Variants in PHIP observed in about 807,000 individuals in gnomAD.
PHIP encodes the protein PH-interacting protein.
PHIP carries 54 observed loss-of-function variants against 236.8 expected under a neutral mutation model. The observed-to-expected ratio is 0.23, with a 90% confidence interval of 0.18 to 0.29. PHIP has a LOEUF of 0.29. Among genes scored for constraint, PHIP ranks in the 10% least tolerant of loss-of-function variants. The pLI is 1.00. For synonymous variants in PHIP, 756 were observed against 718.9 expected (o/e 1.05, Z -0.83); for missense variants, 1,370 against 2,190.8 (o/e 0.63, Z 7.48).
intron 15 of PHIP, among the ~76,000 whole-genome samples, chr6:79,009,229 G>T (rs1029451975): frequency 6.6e-6 from 1 of 151,970 alleles, no homozygotes; most frequent in Non-Finnish European, 1.5e-5. Flanking sequence ...ATCTCAATTT[G>T]TTTTTCGTCA....
chr6:78,975,259 C>G lies in PHIP; in HGVS notation c.2889+3333G>C, dbSNP rs1288650483. On this transcript the variant is annotated intron_variant, in intron 24 of 39. Transcript: ENST00000275034. ...AATGTAATCCAGCATATAAACAGAG[C>G]CAAAGACAAAAACCACATGATTATC... is the stretch of plus-strand genomic sequence containing the variant. Among the ~76,000 whole-genome samples, 63 of 151,968 alleles carry G rather than the reference C, an allele frequency of 4.1e-4. 1 individual carries two copies. The South Asian group carries it at 0.013, about 31-fold the overall frequency.
Position 78,966,006 on chromosome 6 carries a change from C to T in PHIP, c.3256G>A (p.Glu1086Lys). ...IDDAWWFGTI[E>K]SQEPLQLEYP... ...TCAAGTTGAAGAGGTTCCTGGCTTT[C>T]GATTGTTCCAAACCACCAGGCATCA... The change falls in exon 28 of 40, where the codon GAA becomes AAA. Residue 1086 changes from glutamate (E) to lysine (K), a missense_variant. This residue lies in a region of PHIP where 238 missense variants were observed against 398.5 expected (regional missense o/e 0.60). Coordinates refer to ENST00000275034, the MANE Select transcript of PHIP (RefSeq NM_017934.7). The T allele has an allele frequency of 1.9e-6, 3 of 1,613,796 alleles. No individual in the cohort carries two copies. The highest frequency in any genetic ancestry group is 2.5e-6 in the Non-Finnish European group (3 of 1,179,744).
intron 23 of PHIP, 140 bp from the exon 24 acceptor site, chr6:78,978,851 G>A (rs1582156984): frequency 7.3e-6 from 4 of 549,556 alleles, no homozygotes; most frequent in East Asian, 6.7e-5. Flanking sequence ...AGTTGGCCCT[G>A]TGTATCCATG....
At chr6:79,012,055 C>G (rs1770605178) in intron 15 of PHIP, among the ~76,000 whole-genome samples, 1 of 151,486 alleles carries the variant, frequency 6.6e-6, no homozygotes, top group Non-Finnish European at 1.5e-5. Context: ...TTTAACATAA[C>G]AGGATTTTTG....
intron 23 of PHIP, 70 bp from the exon 24 acceptor site, chr6:78,978,781 A>T: frequency 4.2e-6 from 5 of 1,199,086 alleles, no homozygotes; most frequent in Non-Finnish European, 6.0e-6. Context: ...CTACTCTTTA[A>T]AATAACTATA....
At chr6:79,012,451 T>C (rs1043969589) in intron 15 of PHIP, among the ~76,000 whole-genome samples, 1 of 151,696 alleles carries the variant, frequency 6.6e-6, no homozygotes, top group Non-Finnish European at 1.5e-5. Context: ...TCACCATTTC[T>C]AGTCAAAAAA....
chr6:79,059,207 T>G (rs545232219), intron 6 of PHIP, among the ~76,000 whole-genome samples: 1 of 151,988 alleles, frequency 6.6e-6, no homozygotes, highest in Admixed American at 6.6e-5. Context: ...ACGAAGCAGA[T>G]AAAGTGTTTA....
chr6:78,985,797 G>A (rs1291321816), intron 21 of PHIP, among the ~76,000 whole-genome samples: 5 of 151,906 alleles, frequency 3.3e-5, no homozygotes, highest in Non-Finnish European at 4.4e-5. Flanking sequence ...AGCTGAGATC[G>A]CACCACTACA....
chr6:78,999,706 G>T (rs965708024), intron 17 of PHIP, among the ~76,000 whole-genome samples: 1 of 151,946 alleles, frequency 6.6e-6, no homozygotes, highest in South Asian at 2.1e-4. Context: ...GGCTTAAATG[G>T]TAAGAAAAGA....
intron 6 of PHIP, among the ~76,000 whole-genome samples, 160 bp from the exon 7 acceptor site, chr6:79,043,163 A>C (rs1489042050): frequency 1.3e-5 from 2 of 152,156 alleles, no homozygotes; most frequent in Admixed American, 1.3e-4. Flanking sequence ...AAAGTAATGA[A>C]TAAAAACATT....
rs1773318018 is a variant in PHIP, at chr6:78,937,460, A to G, written c.*3233T>C. 1 of 151,768 alleles carries G rather than the reference A, an allele frequency of 6.6e-6. No individual in the cohort carries two copies. Among genetic ancestry groups the G allele is most frequent in the Non-Finnish European group, 1.5e-5 (1 of 67,672 alleles). 9.4% of individuals were successfully genotyped at this position (151,768 alleles called of 1,614,324 possible). A position where few individuals can be genotyped will look rare whatever the true frequency, so the allele number is the denominator to read the frequency against. On this transcript the variant is annotated 3_prime_UTR_variant, in exon 40 of 40. Transcript: ENST00000275034. ...GGGACAGTTCTAGATGTTAACATAC[A>G]TGCTGCATAAAGATATTTTCTCTGA...
In PHIP at chr6:78,939,707, AGATCAAC is replaced by A. The variant is rs1770652955; in HGVS notation, c.*979_*985del. 6.6e-6 allele frequency: 1 copy of A among 152,014 alleles called. No homozygotes were observed. The highest frequency in any genetic ancestry group is 2.4e-5 in the African/African-American group (1 of 41,442). 9.4% of individuals were successfully genotyped at this position (152,014 alleles called of 1,614,324 possible). On this transcript the variant is annotated 3_prime_UTR_variant, in exon 40 of 40. Coordinates refer to ENST00000275034, the MANE Select transcript of PHIP (RefSeq NM_017934.7). ...TAAAGTTTAGAAATGACATTAATCCAGATCAACAAGTAAACATCAAATCCCATACCTT... is the reference window on the plus strand; with the variant it reads ...TAAAGTTTAGAAATGACATTAATCCAAAGTAAACATCAAATCCCATACCTT...
At position 79,015,628 on chromosome 6, in the gene PHIP, AC is replaced by A; in HGVS notation, c.1389+1del. 1 of 1,585,146 alleles carries A rather than the reference AC, an allele frequency of 6.3e-7. No homozygotes were observed. Among genetic ancestry groups the A allele is most frequent in the Non-Finnish European group, 8.6e-7 (1 of 1,165,146 alleles). ...CAAATAAAGATTAGAATTTTTTCTCACCATCAGGACATGAATTAGTTGACCA... is the reference window on the plus strand; with the variant it reads ...CAAATAAAGATTAGAATTTTTTCTCACATCAGGACATGAATTAGTTGACCA... On this transcript the variant is annotated splice_donor_variant, in intron 14 of 39. Transcript: ENST00000275034. LOFTEE classifies it high-confidence loss of function.
intron 21 of PHIP, among the ~76,000 whole-genome samples, chr6:78,987,109 A>G (rs1291422275): frequency 6.6e-6 from 1 of 152,172 alleles, no homozygotes; most frequent in Non-Finnish European, 1.5e-5. Flanking sequence ...AAGGATGTTA[A>G]AGCATAAATA....
chr6:78,999,783 A>G (rs544447582), intron 17 of PHIP, among the ~76,000 whole-genome samples: 1 of 152,166 alleles, frequency 6.6e-6, no homozygotes, highest in African/African-American at 2.4e-5. Flanking sequence ...TACATGTATT[A>G]CATGCATAAT....
At chr6:78,949,684 T>A (rs544722781) in intron 35 of PHIP, among the ~76,000 whole-genome samples, 1 of 151,798 alleles carries the variant, frequency 6.6e-6, no homozygotes, top group Non-Finnish European at 1.5e-5. Flanking sequence ...GACTCTTTTT[T>A]ACTTTTTTTT....
chr6:78,979,001 C>T (rs1032458904), intron 23 of PHIP, among the ~76,000 whole-genome samples: 4 of 152,020 alleles, frequency 2.6e-5, no homozygotes, highest in African/African-American at 9.7e-5. Flanking sequence ...GATGTGTAGG[C>T]ACTGTAGTAG....
chr6:79,041,068 T>C (rs758242470), intron 7 of PHIP, among the ~76,000 whole-genome samples: 1 of 152,142 alleles, frequency 6.6e-6, no homozygotes, highest in Non-Finnish European at 1.5e-5. Flanking sequence ...TAGCAATTTT[T>C]TTCTGTACAG....
chr6:79,028,563 T>C (rs865900132), intron 7 of PHIP, among the ~76,000 whole-genome samples: 1 of 152,132 alleles, frequency 6.6e-6, no homozygotes, highest in African/African-American at 2.4e-5. Context: ...GGAAACACAT[T>C]AGGGATTTGC....
Sources: gnomAD v4.1 joint callset for allele counts (sites outside exome capture counted in the v4.1 genomes callset) on GRCh38, gnomAD v4.1.1 for gene constraint, gnomAD v4.1.1 regional missense constraint, MANE v1.5 for transcripts, NCBI Gene and HGNC (gene_info 2026-07-23, HGNC 2026-07-21) for gene names.